FNDC3A: variants seen among roughly 807,000 people sequenced by gnomAD.
The protein encoded by FNDC3A is fibronectin type III domain containing 3A.
FNDC3A carries 32 observed loss-of-function variants against 148.9 expected under a neutral mutation model. The ratio of observed to expected loss-of-function variants is 0.21; its 90% CI spans 0.16 to 0.29. The LOEUF is 0.29. Ranked by LOEUF, FNDC3A falls within the 10% of genes least tolerant of loss-of-function variation. FNDC3A has a pLI of 1.00. For synonymous variants in FNDC3A, 472 were observed against 473.6 expected, an observed-to-expected ratio of 1.00 and a Z score of 0.04; for missense variants, 1,191 against 1,452.8, an observed-to-expected ratio of 0.82 and a Z score of 2.93.
chr13:49,198,414 A>T lies in FNDC3A; in HGVS notation c.2827A>T (p.Ile943Leu). The change falls in exon 23 of 26, where the codon ATA becomes TTA. Residue 943 changes from isoleucine (I) to leucine (L), a missense_variant. By Grantham distance (5) the Ile-to-Leu change is conservative. This residue lies in a region of FNDC3A where 751 missense variants were observed against 944.0 expected (regional missense o/e 0.80). Coordinates refer to ENST00000492622, the MANE Select transcript of FNDC3A (RefSeq NM_001079673.2). ...SLGAGPFSHM[I>L]KLKTKPLPPD... ...TGGAGCTGGTCCTTTCAGCCATATGATAAAATTAAAAACTAAGCCTCTCCC... is the reference window on the plus strand; with the variant it reads ...TGGAGCTGGTCCTTTCAGCCATATGTTAAAATTAAAAACTAAGCCTCTCCC... 6.2e-7 allele frequency: 1 copy of T among 1,614,198 alleles called. No individual in the cohort carries two copies. The highest frequency in any genetic ancestry group is 8.5e-7 in the Non-Finnish European group (1 of 1,180,028).
At chr13:48,994,208 T>TA (rs956092853) in intron 1 of FNDC3A, among the ~76,000 whole-genome samples, 9 of 152,076 alleles carry the variant, frequency 5.9e-5, no homozygotes, top group South Asian at 2.1e-4. Context: ...TCTTCAGAAA[T>TA]AAAAAAAATT....
intron 3 of FNDC3A, among the ~76,000 whole-genome samples, chr13:49,093,503 GCTAA>G (rs1409859032): frequency 1.3e-5 from 2 of 152,120 alleles, no homozygotes; most frequent in African/African-American, 2.4e-5. Flanking sequence ...AACCCTTTCA[GCTAA>G]CTATTATCTT....
In FNDC3A at chr13:49,034,483, G is replaced by T. The variant is rs552666464; in HGVS notation, c.99+28194G>T. Among the ~76,000 whole-genome samples the T allele has an allele frequency of 3.9e-5, 6 of 152,106 alleles. No individual in the cohort carries two copies. The South Asian group carries it at 1.2e-3, about 31-fold the overall frequency. On this transcript the variant is annotated intron_variant, in intron 2 of 25. Coordinates refer to ENST00000492622, the MANE Select transcript of FNDC3A (RefSeq NM_001079673.2). The stretch of plus-strand genomic sequence containing the variant: ...ATATAACTTTCATCACAAAACTTCT[G>T]AAACTTAGAGGTACTTCAATAACTT...
intron 2 of FNDC3A, among the ~76,000 whole-genome samples, chr13:49,027,371 C>G (rs1222130666): frequency 6.6e-6 from 1 of 152,148 alleles, no homozygotes; most frequent in East Asian, 1.9e-4. Context: ...TCCTTACATT[C>G]AGTAGGAATG....
chr13:49,014,766 G>A (rs1389628671), intron 2 of FNDC3A, among the ~76,000 whole-genome samples: 12 of 119,054 alleles, frequency 1.0e-4, no homozygotes, highest in East Asian at 7.5e-4. Flanking sequence ...ATCTTGAATT[G>A]ATTTTTGTAT....
rs1443536350 is a variant in FNDC3A at position 49,187,534 on chromosome 13, C to A, written c.1825+344C>A. 3 of 1,610,002 alleles carry A rather than the reference C, an allele frequency of 1.9e-6. No individual in the cohort carries two copies. In the East Asian group the frequency reaches 6.7e-5, roughly 36 times the overall value. ...AAGAAAGGGTGTAGCAAATGCAGAT[C>A]CAAAGTACAAACACATCTTAGCTAG... On this transcript the variant is annotated intron_variant, in intron 16 of 25. Transcript: ENST00000492622.
intron 3 of FNDC3A, among the ~76,000 whole-genome samples, chr13:49,106,311 C>CA (rs2137851483): frequency 6.6e-6 from 1 of 152,252 alleles, no homozygotes; most frequent in African/African-American, 2.4e-5. Flanking sequence ...TTACCCTACT[C>CA]TGTTTTATTT....
chr13:48,982,672 T>C (rs965309918), intron 1 of FNDC3A, among the ~76,000 whole-genome samples: 4 of 152,214 alleles, frequency 2.6e-5, no homozygotes, highest in Non-Finnish European at 5.9e-5. Flanking sequence ...GCATTAATTA[T>C]AATTTCCTTT....
chr13:49,046,921 T>C (rs1566213024), intron 2 of FNDC3A: 1 of 152,122 alleles, frequency 6.6e-6, no homozygotes, highest in Admixed American at 6.5e-5. Context: ...CGTTCTTTAA[T>C]GGTAATTTCT....
At position 49,168,664 on chromosome 13, in the gene FNDC3A, C is replaced by A; in HGVS notation, c.1089C>A (p.Ile363=). 6.2e-7 allele frequency: 1 copy of A among 1,612,176 alleles called. No homozygotes were observed. Among genetic ancestry groups the A allele is most frequent in the Non-Finnish European group, 8.5e-7 (1 of 1,178,310 alleles). Residue 363 remains isoleucine, a synonymous_variant, in exon 10 of 26, where the codon ATC becomes ATA. Transcript: ENST00000492622. ...AGGGAACTCCTTCAGAGGCTGAAAT[C>A]TTTACCACCTTGAGCTGTGAACCTG... ...SIKGTPSEAE[I]FTTLSCEPDI...
chr13:49,037,702 C>G (rs1874599919), intron 2 of FNDC3A, among the ~76,000 whole-genome samples: 1 of 152,188 alleles, frequency 6.6e-6, no homozygotes, highest in Non-Finnish European at 1.5e-5. Context: ...CCTCACAGTA[C>G]ATGCAACAGA....
chr13:49,035,417 A>G (rs529075941), intron 2 of FNDC3A, among the ~76,000 whole-genome samples: 5 of 152,178 alleles, frequency 3.3e-5, no homozygotes, highest in South Asian at 4.1e-4. Flanking sequence ...GTCAGGCAGT[A>G]TGCTGACATA....
intron 1 of FNDC3A, among the ~76,000 whole-genome samples, chr13:48,985,381 A>T (rs1314261923): frequency 6.6e-6 from 1 of 152,178 alleles, no homozygotes; most frequent in Non-Finnish European, 1.5e-5. Context: ...CCTGAGCCAG[A>T]AGTTTTATTT....
chr13:49,192,189 A>G (rs1272038912), intron 19 of FNDC3A, among the ~76,000 whole-genome samples: 1 of 152,230 alleles, frequency 6.6e-6, no homozygotes, highest in Non-Finnish European at 1.5e-5. Context: ...ATAGAATTAA[A>G]CTGACAGTTC....
intron 2 of FNDC3A, among the ~76,000 whole-genome samples, chr13:49,007,140 C>T (rs1457549156): frequency 6.6e-6 from 1 of 152,048 alleles, no homozygotes; most frequent in Non-Finnish European, 1.5e-5. Context: ...GTTACTCATA[C>T]TGCCTCCTTG....
chr13:49,136,277 T>G, intron 5 of FNDC3A, 55 bp from the exon 6 acceptor site: 2 of 1,449,080 alleles, frequency 1.4e-6, no homozygotes, highest in Non-Finnish European at 1.9e-6. Context: ...TTTCATGGCA[T>G]AAACTTATTT....
rs1295156720 is a variant in FNDC3A, at chr13:48,999,684, A to G, written c.-39-6468A>G. Among the ~76,000 whole-genome samples, 4 of 152,232 alleles carry G rather than the reference A, an allele frequency of 2.6e-5. No individual in the cohort carries two copies. The East Asian group carries it at 5.8e-4, about 22-fold the overall frequency. ...CCTAACCCCCAAAATGATAGTATTA[A>G]GAGGTGGAGACTTTGGGAGATAGTT... On this transcript the variant is annotated intron_variant, in intron 1 of 25. Transcript: ENST00000492622.
At chr13:49,035,006 A>C (rs1874392103) in intron 2 of FNDC3A, among the ~76,000 whole-genome samples, 1 of 152,068 alleles carries the variant, frequency 6.6e-6, no homozygotes, top group South Asian at 2.1e-4. Context: ...TGGTTAAAAA[A>C]CATGCAAACC....
At chr13:49,124,831 T>C (rs539681564) in intron 4 of FNDC3A, among the ~76,000 whole-genome samples, 6 of 152,272 alleles carry the variant, frequency 3.9e-5, no homozygotes, top group African/African-American at 1.4e-4. Flanking sequence ...TGGCAAATAG[T>C]ACTAACTTAG....
Sources: gnomAD v4.1 joint callset for allele counts (sites outside exome capture counted in the v4.1 genomes callset) on GRCh38, gnomAD v4.1.1 for gene constraint, gnomAD v4.1.1 regional missense constraint, MANE v1.5 for transcripts, NCBI Gene and HGNC (gene_info 2026-07-23, HGNC 2026-07-21) for gene names.